Variants in PRKACB observed in about 807,000 individuals in gnomAD.
PRKACB encodes the protein cAMP-dependent protein kinase catalytic subunit beta.
In PRKACB, 16 loss-of-function variants were observed where a neutral mutation model predicts 51.4. That is an observed-to-expected ratio of 0.31 (90% CI 0.21 to 0.47). PRKACB has a LOEUF of 0.47. Ranked by LOEUF, PRKACB falls within the 20% of genes least tolerant of loss-of-function variation. The pLI is 1.00. For missense variants in PRKACB, 309 were observed against 464.5 expected, an observed-to-expected ratio of 0.67 and a Z score of 3.08; for synonymous variants, 147 against 154.4, an observed-to-expected ratio of 0.95 and a Z score of 0.35.
chr1:84,182,360 G>T (rs916847700), intron 3 of PRKACB, 32 bp downstream of exon 3: 3 of 1,478,806 alleles, frequency 2.0e-6, no homozygotes, highest in Admixed American at 4.2e-5. Context: ...TACCTTCAGG[G>T]TAAACTTTAG....
chr1:84,085,320 G>C (rs987423811), intron 1 of PRKACB, among the ~76,000 whole-genome samples: 1 of 152,100 alleles, frequency 6.6e-6, no homozygotes, highest in South Asian at 2.1e-4. Flanking sequence ...TAATTTAGTA[G>C]TAAAATCATA....
At chr1:84,087,679 T>C (rs1451497293) in intron 1 of PRKACB, among the ~76,000 whole-genome samples, 1 of 152,084 alleles carries the variant, frequency 6.6e-6, no homozygotes, top group Non-Finnish European at 1.5e-5. Flanking sequence ...TCGAGGCTTG[T>C]TTTTTTACTC....
chr1:84,082,664 G>C (rs1269104394), intron 1 of PRKACB, among the ~76,000 whole-genome samples: 2 of 152,078 alleles, frequency 1.3e-5, no homozygotes, highest in African/African-American at 2.4e-5. Flanking sequence ...TGTGATAATG[G>C]AAGTGATCTC....
At chr1:84,211,033 G>T (rs779540736) in intron 8 of PRKACB, among the ~76,000 whole-genome samples, 2 of 151,976 alleles carry the variant, frequency 1.3e-5, no homozygotes, top group Non-Finnish European at 2.9e-5. Context: ...GGGGAAGAGG[G>T]TGTGATATGG....
At chr1:84,190,043 T>G (rs1666289271) in intron 5 of PRKACB, among the ~76,000 whole-genome samples, 1 of 151,898 alleles carries the variant, frequency 6.6e-6, no homozygotes, top group Non-Finnish European at 1.5e-5. Context: ...TCTTTTCTTC[T>G]TCCTCCGTTT....
At chr1:84,141,353 T>G (rs1281370746), upstream of PRKACB, among the ~76,000 whole-genome samples, 3 of 152,162 alleles carry the variant, frequency 2.0e-5, no homozygotes, top group Admixed American at 1.3e-4. Flanking sequence ...AAACTGCAGT[T>G]GTTTCTTTCT....
intron 1 of PRKACB, among the ~76,000 whole-genome samples, chr1:84,156,784 C>G (rs1428258242): frequency 6.6e-6 from 1 of 152,144 alleles, no homozygotes; most frequent in Non-Finnish European, 1.5e-5. Context: ...CTTTCATATT[C>G]TTGAACCATT....
At chr1:84,138,444 A>T (rs553573334) in intron 1 of PRKACB, among the ~76,000 whole-genome samples, 10 of 152,340 alleles carry the variant, frequency 6.6e-5, no homozygotes, top group African/African-American at 2.2e-4. Context: ...TTCTTGAAAG[A>T]TGCAAACTAC....
intron 4 of PRKACB, among the ~76,000 whole-genome samples, chr1:84,184,657 G>A (rs2101023704): frequency 6.6e-6 from 1 of 151,886 alleles, no homozygotes; most frequent in South Asian, 2.1e-4. Flanking sequence ...TGAATCATAT[G>A]AAACATTTTA....
chr1:84,183,667 A>T (rs936582694), intron 3 of PRKACB, among the ~76,000 whole-genome samples: 1 of 151,732 alleles, frequency 6.6e-6, no homozygotes, highest in Non-Finnish European at 1.5e-5. Flanking sequence ...TTCATTTTTA[A>T]ATTACCTTAA....
At chr1:84,212,021 A>C (rs1672209598) in intron 8 of PRKACB, among the ~76,000 whole-genome samples, 1 of 152,180 alleles carries the variant, frequency 6.6e-6, no homozygotes, top group African/African-American at 2.4e-5. Context: ...TTAACCCTTT[A>C]AATAGTCTTT....
chr1:84,090,480 A>G (rs1215603741), intron 1 of PRKACB, among the ~76,000 whole-genome samples: 1 of 152,206 alleles, frequency 6.6e-6, no homozygotes, highest in African/African-American at 2.4e-5. Context: ...TATGCACTCT[A>G]TATGACATCA....
intron 9 of PRKACB, among the ~76,000 whole-genome samples, chr1:84,220,927 T>C (rs1673608830): frequency 6.6e-6 from 1 of 152,144 alleles, no homozygotes; most frequent in Admixed American, 6.5e-5. Context: ...GCTTGTCTGG[T>C]TTTGTATCAG....
At chr1:84,202,229 T>TTTACA (rs1670336149) in intron 7 of PRKACB, among the ~76,000 whole-genome samples, 1 of 152,120 alleles carries the variant, frequency 6.6e-6, no homozygotes, top group Non-Finnish European at 1.5e-5. Context: ...GTCAACTTCA[T>TTTACA]TATTTACTAT....
chr1:84,162,712 A>G (rs1656361073), intron 1 of PRKACB, among the ~76,000 whole-genome samples: 1 of 151,970 alleles, frequency 6.6e-6, no homozygotes, highest in African/African-American at 2.4e-5. Flanking sequence ...TATTTAACAC[A>G]ATTTTCTTTT....
intron 1 of PRKACB, among the ~76,000 whole-genome samples, chr1:84,109,411 C>T (rs1650037102): frequency 6.6e-6 from 1 of 151,852 alleles, no homozygotes; most frequent in African/African-American, 2.4e-5. Flanking sequence ...TTGCTTTAGC[C>T]ATTCTGATGA....
intron 9 of PRKACB, among the ~76,000 whole-genome samples, chr1:84,232,543 G>A (rs1455395293): frequency 6.6e-6 from 1 of 152,138 alleles, no homozygotes; most frequent in Non-Finnish European, 1.5e-5. Context: ...ATGTGTGGGA[G>A]TCTAAGTCTT....
intron 1 of PRKACB, among the ~76,000 whole-genome samples, chr1:84,129,677 G>A (rs1439234534): frequency 6.6e-6 from 1 of 152,126 alleles, no homozygotes; most frequent in Non-Finnish European, 1.5e-5. Context: ...GATGGAGTAA[G>A]TAAATGCACA....
At chr1:84,229,017 G>C (rs1025121594) in intron 9 of PRKACB, among the ~76,000 whole-genome samples, 2 of 148,884 alleles carry the variant, frequency 1.3e-5, no homozygotes, top group Non-Finnish European at 3.0e-5. Context: ...TGCCATGCTG[G>C]TGCGCTGCAC....
Sources: allele counts gnomAD v4.1 joint callset (sites outside exome capture counted in the v4.1 genomes callset), GRCh38; gene constraint gnomAD v4.1.1; transcripts MANE v1.5; gene names NCBI Gene and HGNC (gene_info 2026-07-23, HGNC 2026-07-21).